The following FHIT variants were observed in gnomAD, a reference collection of about 807,000 sequenced individuals.
FHIT encodes the protein bis(5'-adenosyl)-triphosphatase.
FHIT carries 19 observed loss-of-function variants against 17.9 expected under a neutral mutation model. That is an observed-to-expected ratio of 1.06 (90% confidence interval 0.74 to 1.56). FHIT has a LOEUF of 1.56. FHIT is among the 40% of genes most tolerant of loss of function. The pLI, the probability that FHIT is intolerant of heterozygous loss-of-function variation, is 0.00. For missense variants in FHIT, 248 were observed against 189.2 expected (o/e 1.31, Z -1.82); for synonymous variants, 81 against 69.7 (o/e 1.16, Z -0.81).
intron 5 of FHIT, among the ~76,000 whole-genome samples, chr3:60,450,631 G>A (rs1034893486): frequency 2.0e-5 from 3 of 152,194 alleles, no homozygotes; most frequent in Non-Finnish European, 2.9e-5. Flanking sequence ...AGCTACAGAA[G>A]TGGGTTCCAG....
At chr3:61,131,795 G>T (rs1439620478) in intron 2 of FHIT, among the ~76,000 whole-genome samples, 1 of 152,202 alleles carries the variant, frequency 6.6e-6, no homozygotes, top group Non-Finnish European at 1.5e-5. Context: ...TTAAAGGTTA[G>T]TGGTGCAATA....
chr3:60,994,391 A>G (rs1431831440), intron 3 of FHIT, among the ~76,000 whole-genome samples: 1 of 152,180 alleles, frequency 6.6e-6, no homozygotes, highest in Non-Finnish European at 1.5e-5. Flanking sequence ...TTATACTTCA[A>G]TTTTCCTAAG....
At chr3:60,451,314 A>G (rs574511778) in intron 5 of FHIT, among the ~76,000 whole-genome samples, 1 of 152,204 alleles carries the variant, frequency 6.6e-6, no homozygotes, top group South Asian at 2.1e-4. Flanking sequence ...GCCCACCTCC[A>G]GCCTTCCTGG....
At chr3:60,214,529 C>T (rs574924732) in intron 5 of FHIT, among the ~76,000 whole-genome samples, 8 of 152,042 alleles carry the variant, frequency 5.3e-5, no homozygotes, top group South Asian at 2.1e-4. Flanking sequence ...GCTGGTGAGG[C>T]GACAGAGTAA....
At chr3:60,680,618 C>A (rs2040724753) in intron 4 of FHIT, among the ~76,000 whole-genome samples, 2 of 149,740 alleles carry the variant, frequency 1.3e-5, no homozygotes, top group Admixed American at 6.7e-5. Flanking sequence ...ATACCAAACT[C>A]TGCAAAACTT....
chr3:60,501,649 A>G (rs1421643214), intron 5 of FHIT, among the ~76,000 whole-genome samples: 1 of 152,178 alleles, frequency 6.6e-6, no homozygotes. Context: ...AGAGTCCGGA[A>G]TCTCCATTTT....
In FHIT at chr3:59,779,726, C is replaced by A. The variant is rs1702486600; in HGVS notation, c.349-27405G>T. 2.6e-5 allele frequency among the ~76,000 whole-genome samples: 4 copies of A among 152,116 alleles called. No homozygotes were observed. The South Asian group carries it at 8.3e-4, about 32-fold the overall frequency. On this transcript the variant is annotated intron_variant, in intron 8 of 9. Transcript: ENST00000492590. ...AAGTCAGTGTCTCTCCCCATGGGAC[C>A]AATCCTGTACCTCTTTTTCCTTCAC...
chr3:60,461,126 A>G (rs1320144389), intron 5 of FHIT, among the ~76,000 whole-genome samples: 1 of 152,202 alleles, frequency 6.6e-6, no homozygotes, highest in Non-Finnish European at 1.5e-5. Context: ...TTTTCTTCAC[A>G]CTGAAAAATA....
At chr3:60,984,080 C>T (rs1197996237) in intron 3 of FHIT, among the ~76,000 whole-genome samples, 3 of 152,198 alleles carry the variant, frequency 2.0e-5, no homozygotes, top group Admixed American at 2.0e-4. Context: ...AAATCAGCGT[C>T]TGTGGATCTT....
At chr3:60,066,899 C>T (rs892875372) in intron 5 of FHIT, among the ~76,000 whole-genome samples, 2 of 152,028 alleles carry the variant, frequency 1.3e-5, no homozygotes, top group African/African-American at 4.8e-5. Context: ...CCACCTCGGC[C>T]TCCCAAAGTG....
chr3:60,509,056 T>C (rs2034844592), intron 5 of FHIT, among the ~76,000 whole-genome samples: 1 of 152,156 alleles, frequency 6.6e-6, no homozygotes, highest in African/African-American at 2.4e-5. Flanking sequence ...CAAATTCTTT[T>C]GGGGTACCTG....
At position 60,597,863 on chromosome 3, in the gene FHIT, C is replaced by A. The variant is rs1576946308; in HGVS notation, c.-17-60884G>T. ...AGCTAAGCAGCTGAGAGATATTGAGCCAGGACTCTCTGTCTAGTAAGTTAG... is the reference window on the plus strand; with the variant it reads ...AGCTAAGCAGCTGAGAGATATTGAGACAGGACTCTCTGTCTAGTAAGTTAG... On this transcript the variant is annotated intron_variant, in intron 4 of 9. Transcript: ENST00000492590. Among the ~76,000 whole-genome samples the A allele has an allele frequency of 2.0e-5, 3 of 152,204 alleles. No homozygotes were observed. In the South Asian group the frequency reaches 6.2e-4, roughly 32 times the overall value.
chr3:60,111,301 T>A (rs1704659460), intron 5 of FHIT, among the ~76,000 whole-genome samples: 1 of 152,174 alleles, frequency 6.6e-6, no homozygotes. Flanking sequence ...AAGTCCTAGC[T>A]TAAATCTGGA....
At chr3:59,936,756 C>A (rs2107251426) in intron 7 of FHIT, among the ~76,000 whole-genome samples, 1 of 152,234 alleles carries the variant, frequency 6.6e-6, no homozygotes, top group South Asian at 2.1e-4. Flanking sequence ...TCATGTCCCT[C>A]CAGAGACAGT....
intron 5 of FHIT, among the ~76,000 whole-genome samples, chr3:60,083,990 C>G (rs570707597): frequency 1.3e-5 from 2 of 152,190 alleles, no homozygotes; most frequent in East Asian, 3.9e-4. Context: ...ATAACTGGCA[C>G]GTTTATGTAT....
At chr3:60,195,107 A>G (rs966524089) in intron 5 of FHIT, among the ~76,000 whole-genome samples, 15 of 152,022 alleles carry the variant, frequency 9.9e-5, no homozygotes, top group Non-Finnish European at 1.9e-4. Context: ...CGGACGTTGC[A>G]GTTAGCCAAG....
chr3:60,283,896 A>G (rs1707589042), intron 5 of FHIT, among the ~76,000 whole-genome samples: 1 of 152,098 alleles, frequency 6.6e-6, no homozygotes, highest in Non-Finnish European at 1.5e-5. Flanking sequence ...CAGAAAGACA[A>G]TGTATTCTAG....
chr3:59,864,663 C>T (rs1328414578), intron 8 of FHIT, among the ~76,000 whole-genome samples: 1 of 151,598 alleles, frequency 6.6e-6, no homozygotes, highest in Non-Finnish European at 1.5e-5. Flanking sequence ...TTTCTTTGTT[C>T]TCATGAACTG....
chr3:60,819,099 A>G (rs2594145), intron 4 of FHIT, among the ~76,000 whole-genome samples: 127,104 of 149,494 alleles, frequency 0.85, 54,817 homozygotes, highest in East Asian at 0.95. Context: ...TGAGAATTTC[A>G]GATCCAGTAG....
Sources: gnomAD v4.1 joint callset for allele counts (sites outside exome capture counted in the v4.1 genomes callset) on GRCh38, gnomAD v4.1.1 for gene constraint, MANE v1.5 for transcripts, NCBI Gene and HGNC (gene_info 2026-07-23, HGNC 2026-07-21) for gene names.